Variants in NTN1 observed in about 807,000 individuals in gnomAD.
NTN1 encodes netrin 1, also known as netrin-1.
A neutral mutation model predicts 54.2 loss-of-function variants in NTN1; 11 were observed. That is an observed-to-expected ratio of 0.20 (90% CI 0.13 to 0.34). NTN1 has a LOEUF of 0.34. Ranked by LOEUF, NTN1 falls within the 10% of genes least tolerant of loss-of-function variation. NTN1 has a pLI of 1.00. For missense variants in NTN1, 740 were observed against 893.1 expected, an observed-to-expected ratio of 0.83 and a Z score of 2.18; for synonymous variants, 371 against 382.0, an observed-to-expected ratio of 0.97 and a Z score of 0.33.
chr17:9,091,546 C>T (rs887782843), intron 2 of NTN1, among the ~76,000 whole-genome samples: 4 of 151,014 alleles, frequency 2.6e-5, no homozygotes, highest in South Asian at 2.1e-4. Context: ...ATTTGCCTCA[C>T]GGGTTCGAGT....
chr17:9,099,440 G>A (rs80213376), intron 2 of NTN1, among the ~76,000 whole-genome samples: 2,399 of 152,218 alleles, frequency 0.016, 31 homozygotes, highest in Non-Finnish European at 0.023. Flanking sequence ...CTCACTTTAT[G>A]AATATAGAGT....
chr17:9,026,801 C>T (rs1285093935), intron 2 of NTN1, among the ~76,000 whole-genome samples: 1 of 152,030 alleles, frequency 6.6e-6, no homozygotes, highest in Non-Finnish European at 1.5e-5. Context: ...TTTAATCTTA[C>T]TGTGGAGTTG....
chr17:9,201,455 A>G (rs1003481994), intron 5 of NTN1, among the ~76,000 whole-genome samples: 3 of 152,208 alleles, frequency 2.0e-5, no homozygotes, highest in African/African-American at 7.2e-5. Context: ...GGAACATGAG[A>G]CCAGAGGGCT....
Position 9,103,641 on chromosome 17 carries a change from G to A in NTN1, c.1019-59172G>A, listed in dbSNP as rs138204477. Among the ~76,000 whole-genome samples, 1,091 of 151,966 alleles carry A rather than the reference G, an allele frequency of 7.2e-3. 19 individuals carry two copies. The highest frequency in any genetic ancestry group is 0.024 in the African/African-American group (983 of 41,430). On this transcript the variant is annotated intron_variant, in intron 2 of 6. Coordinates refer to ENST00000173229, the MANE Select transcript of NTN1 (RefSeq NM_004822.3). ...TTTCCTTTATAAATTACCCAGTTTC[G>A]GGTATGTCTTTATTAGCAGCATGAG...
rs111937725 is a variant in NTN1, at chr17:9,072,169, C to A, written c.1018+48778C>A. On this transcript the variant is annotated intron_variant, in intron 2 of 6. Coordinates refer to ENST00000173229, the MANE Select transcript of NTN1 (RefSeq NM_004822.3). ...ACGTGATCCATCATTTCCTGGGGGTCTTCATGAGTCCTTAGCCCCAGCTTT... is the reference window on the plus strand; with the variant it reads ...ACGTGATCCATCATTTCCTGGGGGTATTCATGAGTCCTTAGCCCCAGCTTT... 1.9e-3 allele frequency among the ~76,000 whole-genome samples: 295 copies of A among 152,050 alleles called. 2 individuals are homozygous for A. The highest frequency in any genetic ancestry group is 0.01 in the Middle Eastern group (3 of 292).
At position 9,104,250 on chromosome 17, in the gene NTN1, T is replaced by G. The variant is rs535565540; in HGVS notation, c.1019-58563T>G. On this transcript the variant is annotated intron_variant, in intron 2 of 6. Transcript: ENST00000173229. ...TGTTTAATGGGTACAGAGTTTCAAT[T>G]TGGGAAGATGAAAAAGTTCTGGAGA... 3.9e-5 allele frequency among the ~76,000 whole-genome samples: 6 copies of G among 152,018 alleles called. No homozygotes were observed. In the East Asian group the frequency reaches 9.7e-4, roughly 24 times the overall value.
intron 6 of NTN1, among the ~76,000 whole-genome samples, chr17:9,238,009 C>T (rs1906049828): frequency 6.6e-6 from 1 of 152,200 alleles, no homozygotes; most frequent in South Asian, 2.1e-4. Context: ...GCTTCCCTCA[C>T]CCTGGAAGGA....
intron 2 of NTN1, among the ~76,000 whole-genome samples, chr17:9,041,101 C>T (rs1287551103): frequency 2.0e-5 from 3 of 152,096 alleles, no homozygotes; most frequent in African/African-American, 7.2e-5. Flanking sequence ...AAAAAATATT[C>T]AAGAATATGT....
chr17:9,112,600 C>T (rs552470090), intron 2 of NTN1, among the ~76,000 whole-genome samples: 9 of 147,272 alleles, frequency 6.1e-5, no homozygotes, highest in East Asian at 2.1e-4. Context: ...CCGAGGCAGG[C>T]GGATCACGAG....
chr17:9,203,512 G>C (rs1904871483), intron 5 of NTN1, among the ~76,000 whole-genome samples: 2 of 152,202 alleles, frequency 1.3e-5, no homozygotes, highest in South Asian at 4.2e-4. Context: ...CAAGAACTGA[G>C]GACTGGTTGG....
intron 6 of NTN1, among the ~76,000 whole-genome samples, chr17:9,226,840 T>C (rs1289660381): frequency 6.6e-6 from 1 of 152,012 alleles, no homozygotes; most frequent in Non-Finnish European, 1.5e-5. Context: ...GCAGCTCAGA[T>C]ACAGGCGGAG....
chr17:9,169,868 G>GAAAAGA (rs757490513), intron 3 of NTN1, among the ~76,000 whole-genome samples: 25 of 152,142 alleles, frequency 1.6e-4, no homozygotes, highest in Non-Finnish European at 3.2e-4. Flanking sequence ...CCGTCTCAAA[G>GAAAAGA]AAAAGAAAAA....
rs1217529384 is a variant in NTN1, at chr17:9,239,243, T to C, written c.1487-397T>C. Among the ~76,000 whole-genome samples the C allele has an allele frequency of 6.6e-6, 1 of 152,126 alleles. No homozygotes were observed. The highest frequency in any genetic ancestry group is 1.5e-5 in the Non-Finnish European group (1 of 67,996). ...GCTGGTGTAAAGTGACTTGGGCCTT[T>C]GGAGAAGCGCACCCCTGAGGAACCT... On this transcript the variant is annotated intron_variant, in intron 6 of 6. Transcript: ENST00000173229. This position sits in a 1 kb window ranked among gnomAD's most constrained non-coding sequence, Gnocchi z 5.2.
intron 2 of NTN1, among the ~76,000 whole-genome samples, chr17:9,041,941 G>A (rs2091922976): frequency 6.6e-6 from 1 of 151,852 alleles, no homozygotes; most frequent in African/African-American, 2.4e-5. Context: ...TCCGGGAGGT[G>A]GAGGTTGCTG....
intron 2 of NTN1, among the ~76,000 whole-genome samples, chr17:9,150,235 A>C (rs531488665): frequency 6.6e-6 from 1 of 152,310 alleles, no homozygotes; most frequent in East Asian, 1.9e-4. Flanking sequence ...TAAGGAAGGA[A>C]GGAGCAAGAC....
intron 2 of NTN1, among the ~76,000 whole-genome samples, chr17:9,042,383 C>G (rs558519284): frequency 6.6e-6 from 1 of 151,782 alleles, no homozygotes; most frequent in South Asian, 2.1e-4. Flanking sequence ...TCTCGAGAGG[C>G]TGAGGCAGGA....
chr17:9,220,932 G>A (rs1225308511), intron 5 of NTN1, among the ~76,000 whole-genome samples: 1 of 143,200 alleles, frequency 7.0e-6, no homozygotes, highest in Non-Finnish European at 1.5e-5. Context: ...GCAGGCGGTG[G>A]CTGAGGGATT....
At chr17:9,218,362 G>A (rs62068234) in intron 5 of NTN1, among the ~76,000 whole-genome samples, 52 of 152,256 alleles carry the variant, frequency 3.4e-4, no homozygotes, top group Admixed American at 2.2e-3. Context: ...TTCATCAACC[G>A]TGAGAACAGT....
chr17:9,030,412 C>T (rs1169042102), intron 2 of NTN1, among the ~76,000 whole-genome samples: 1 of 152,218 alleles, frequency 6.6e-6, no homozygotes, highest in East Asian at 1.9e-4. Context: ...AATGAATTCA[C>T]ACTGCAGTGC....
Sources: gnomAD v4.1 joint callset for allele counts (sites outside exome capture counted in the v4.1 genomes callset) on GRCh38, gnomAD v4.1.1 for gene constraint, Gnocchi (gnomAD v3.1) non-coding constraint, MANE v1.5 for transcripts, NCBI Gene and HGNC (gene_info 2026-07-23, HGNC 2026-07-21) for gene names.